The following SMARCA2 variants were observed in gnomAD, a reference collection of about 807,000 sequenced individuals.
The protein encoded by SMARCA2 is SWI/SNF-related matrix-associated actin-dependent regulator of chromatin subfamily A member 2.
Under a neutral mutation model 199.8 loss-of-function variants are expected in SMARCA2, and 61 were observed. The observed-to-expected ratio is 0.31, with a 90% CI of 0.25 to 0.38. The LOEUF (loss-of-function observed/expected upper bound fraction) is 0.38, where lower values mean the gene tolerates loss of function less well. Among genes scored for constraint, SMARCA2 ranks in the 10% least tolerant of loss-of-function variants. The pLI, the probability that SMARCA2 is intolerant of heterozygous loss-of-function variation, is 1.00. For synonymous variants in SMARCA2, 935 were observed against 732.0 expected, an observed-to-expected ratio of 1.28 and a Z score of -4.48; for missense variants, 1,344 against 2,012.2, an observed-to-expected ratio of 0.67 and a Z score of 6.35.
chr9:2,036,549 T>C (rs1478670788), intron 3 of SMARCA2, among the ~76,000 whole-genome samples: 1 of 152,236 alleles, frequency 6.6e-6, no homozygotes, highest in Non-Finnish European at 1.5e-5. Flanking sequence ...TTTTATGGGA[T>C]GCTATTCATG....
At chr9:2,030,765 C>T (rs535067986) in intron 2 of SMARCA2, among the ~76,000 whole-genome samples, 9 of 152,156 alleles carry the variant, frequency 5.9e-5, no homozygotes, top group Admixed American at 2.6e-4. Context: ...GTAGACAAGC[C>T]GTGGAAGATC....
chr9:2,083,466 ATTTTC>A (rs1821657154), intron 16 of SMARCA2, 53 bp downstream of exon 16: 1 of 1,120,190 alleles, frequency 8.9e-7, no homozygotes, highest in East Asian at 2.4e-5. Context: ...AATAGACCCT[ATTTTC>A]TTCATTCCAT....
chr9:2,191,423 C>A lies in SMARCA2; in HGVS notation c.4737+15C>A, dbSNP rs202062087. 1 of 1,613,712 alleles carries A rather than the reference C, an allele frequency of 6.2e-7. No homozygotes were observed. Among genetic ancestry groups the A allele is most frequent in the Admixed American group, 1.7e-5 (1 of 60,010 alleles). On this transcript the variant is annotated intron_variant, in intron 33 of 33. Coordinates refer to ENST00000349721, the MANE Select transcript of SMARCA2 (RefSeq NM_003070.5). ...AGGATGAACGTGTAAGTGTAGCCGA[C>A]TGGGACTGAAGGCGGAGACGCCCTC... is the stretch of plus-strand genomic sequence containing the variant.
At chr9:2,035,791 A>T (rs943682821) in intron 3 of SMARCA2, among the ~76,000 whole-genome samples, 2 of 152,252 alleles carry the variant, frequency 1.3e-5, no homozygotes, top group Admixed American at 1.3e-4. Flanking sequence ...ATATTCTCTA[A>T]AATAGTGAAG....
chr9:2,059,890 G>T (rs1820509942), intron 8 of SMARCA2, among the ~76,000 whole-genome samples: 1 of 152,036 alleles, frequency 6.6e-6, no homozygotes, highest in Non-Finnish European at 1.5e-5. Context: ...GGCATTACAT[G>T]ATAAAAATAA....
intron 1 of SMARCA2, chr9:2,018,094 C>G (rs1199126126): frequency 6.6e-6 from 1 of 152,254 alleles, no homozygotes; most frequent in Non-Finnish European, 1.5e-5. Context: ...CTAAACGTAC[C>G]TCCAACTCTC....
chr9:2,183,152 G>C (rs534267266), intron 31 of SMARCA2, among the ~76,000 whole-genome samples: 1 of 152,324 alleles, frequency 6.6e-6, no homozygotes, highest in African/African-American at 2.4e-5. Context: ...AATGCTGAAA[G>C]GCTGGCAGTA....
chr9:2,140,480 C>T (rs1205826599), intron 27 of SMARCA2, among the ~76,000 whole-genome samples: 1 of 152,080 alleles, frequency 6.6e-6, no homozygotes, highest in Non-Finnish European at 1.5e-5. Flanking sequence ...TATTTGCCAC[C>T]ATTGTATCTG....
chr9:2,047,200 G>A (rs1368793179), intron 4 of SMARCA2, 29 bp from the exon 5 acceptor site: 8 of 1,012,328 alleles, frequency 7.9e-6, no homozygotes, highest in African/African-American at 7.0e-5. Context: ...CGTCCCGCCC[G>A]AGCTGCCCAT....
At chr9:2,047,999 C>G (rs1819949224) in intron 5 of SMARCA2, 1 of 152,126 alleles carries the variant, frequency 6.6e-6, no homozygotes, top group Non-Finnish European at 1.5e-5. Context: ...AGCCATTTAG[C>G]AGAATCAGGG....
chr9:2,163,527 G>A (rs1825791245), intron 28 of SMARCA2, among the ~76,000 whole-genome samples: 1 of 152,198 alleles, frequency 6.6e-6, no homozygotes, highest in Non-Finnish European at 1.5e-5. Context: ...CACAGAAAGG[G>A]ACAGTATTCT....
intron 27 of SMARCA2, among the ~76,000 whole-genome samples, chr9:2,152,283 G>A (rs1302341492): frequency 6.6e-6 from 1 of 152,240 alleles, no homozygotes; most frequent in East Asian, 1.9e-4. Flanking sequence ...TGGGTGCCAT[G>A]GCTCATGCCT....
chr9:2,045,418 A>G (rs186941799), intron 4 of SMARCA2: 1 of 152,322 alleles, frequency 6.6e-6, no homozygotes, highest in East Asian at 1.9e-4. Flanking sequence ...ACCCAAATGA[A>G]AAATGTACCT....
chr9:2,160,234 CTTT>C, intron 27 of SMARCA2: 1 of 355,286 alleles, frequency 2.8e-6, no homozygotes, highest in East Asian at 4.6e-5. Context: ...TTTCCTTTTC[CTTT>C]TTCCTCATAA....
intron 27 of SMARCA2, among the ~76,000 whole-genome samples, chr9:2,139,132 G>C (rs1365887679): frequency 2.0e-5 from 3 of 152,192 alleles, no homozygotes; most frequent in Non-Finnish European, 4.4e-5. Flanking sequence ...GCTTGCCACA[G>C]GGGTTTACTG....
chr9:2,089,484 T>C (rs1277186670), intron 19 of SMARCA2, among the ~76,000 whole-genome samples: 2 of 152,196 alleles, frequency 1.3e-5, no homozygotes, highest in Non-Finnish European at 1.5e-5. Context: ...TTGGACAGAT[T>C]GGTTCATCCT....
rs576500956 is a variant in SMARCA2, at chr9:2,056,163, A to G, written c.1174-509A>G. Among the ~76,000 whole-genome samples, 2 of 152,322 alleles carry G rather than the reference A, an allele frequency of 1.3e-5. No individual in the cohort carries two copies. The highest frequency in any genetic ancestry group is 6.5e-5 in the Admixed American group (1 of 15,302). On this transcript the variant is annotated intron_variant, in intron 6 of 33. Transcript: ENST00000349721. The surrounding 1 kb of genome is among the most constrained non-coding windows in gnomAD (Gnocchi z 4.0). ...TCATTATTGGAGTGGGAAGAAGCCA[A>G]AACTCATATTTCCCATCCTTTGTAT...
chr9:2,096,605 C>A, intron 19 of SMARCA2, 52 bp from the exon 20 acceptor site: 1 of 1,122,490 alleles, frequency 8.9e-7, no homozygotes, highest in Non-Finnish European at 1.4e-6. Flanking sequence ...CTTCTTAGAA[C>A]AGGCGCCTTC....
chr9:2,029,034 C>T lies in SMARCA2; in HGVS notation c.12C>T (p.Pro4=), dbSNP rs762840154. 1.9e-6 allele frequency: 3 copies of T among 1,550,948 alleles called. No individual in the cohort carries two copies. Among genetic ancestry groups the T allele is most frequent in the Non-Finnish European group, 2.6e-6 (3 of 1,147,524 alleles). The part of the protein sequence containing the change: MST[P]TDPGAMPHPG... ...GACAGGAGAGGTAGATGTCCACGCC[C>T]ACAGACCCTGGTGCGATGCCCCACC... Residue 4 remains proline, a synonymous_variant, in exon 2 of 34, where the codon CCC becomes CCT. Transcript: ENST00000349721.
Sources: gnomAD v4.1 joint callset for allele counts (sites outside exome capture counted in the v4.1 genomes callset) on GRCh38, gnomAD v4.1.1 for gene constraint, Gnocchi (gnomAD v3.1) non-coding constraint, MANE v1.5 for transcripts, NCBI Gene and HGNC (gene_info 2026-07-23, HGNC 2026-07-21) for gene names.